Variants in BLVRB observed in about 807,000 individuals in gnomAD.
The protein encoded by BLVRB is flavin reductase (NADPH).
In BLVRB, 25 loss-of-function variants were observed where a neutral mutation model predicts 21.1. That is an observed-to-expected ratio of 1.19 (90% confidence interval 0.86 to 1.66). The LOEUF (loss-of-function observed/expected upper bound fraction) is 1.66. Ranked by LOEUF, BLVRB falls within the 40% of genes most tolerant of loss-of-function variation. The pLI is 0.00. For synonymous variants in BLVRB, 128 were observed against 122.2 expected (o/e 1.05, Z -0.31); for missense variants, 274 against 282.7 (o/e 0.97, Z 0.22).
intron 4 of BLVRB, 130 bp downstream of exon 4, chr19:40,451,232 AAT>A: frequency 1.5e-6 from 2 of 1,357,826 alleles, no homozygotes; most frequent in Non-Finnish European, 2.0e-6. Context: ...ACAAAGGCCA[AAT>A]ATATATGTCA....
At chr19:40,463,645 C>T (rs548644532) in intron 1 of BLVRB, among the ~76,000 whole-genome samples, 8 of 150,880 alleles carry the variant, frequency 5.3e-5, no homozygotes, top group Non-Finnish European at 1.2e-4. Flanking sequence ...CTGTGTCACC[C>T]AGGCTGGAGT....
chr19:40,460,247 C>CACATATATATATATATATATATATAT (rs2079780928), intron 1 of BLVRB, among the ~76,000 whole-genome samples: 1 of 121,118 alleles, frequency 8.3e-6, no homozygotes, highest in African/African-American at 3.4e-5. Flanking sequence ...GTAATAGCAA[C>CACATATATATATATATATATATATAT]ATATATATAT....
rs200198444 is a variant in BLVRB at position 40,450,842 on chromosome 19, GTATCTATC to G, written c.463+514_463+521del. 8.0e-3 allele frequency among the ~76,000 whole-genome samples: 1,153 copies of G among 144,728 alleles called. 5 individuals carry two copies. Among genetic ancestry groups the G allele is most frequent in the Middle Eastern group, 0.01 (3 of 286 alleles). 94.9% of individuals were successfully genotyped at this position (144,728 alleles called of 152,430 possible). ...GTGTGAACCACCATGCCTGGCCTAT[GTATCTATC>G]TATCTATCTATCTATCTATCTATCT... On this transcript the variant is annotated intron_variant, in intron 4 of 4. Transcript: ENST00000263368.
chr19:40,450,337 G>C (rs62106981), intron 4 of BLVRB: 79,666 of 141,910 alleles, frequency 0.56, 23,598 homozygotes, highest in African/African-American at 0.78. Context: ...AACCCCGTCT[G>C]TATTAAAAAA....
At chr19:40,458,346 A>G in intron 2 of BLVRB, 35 bp downstream of exon 2, 3 of 1,510,600 alleles carry the variant, frequency 2.0e-6, no homozygotes, top group Non-Finnish European at 2.7e-6. Flanking sequence ...GCCGAGGTGT[A>G]GGGGAGGGCC....
intron 3 of BLVRB, among the ~76,000 whole-genome samples, chr19:40,452,280 T>C (rs1445565041): frequency 6.6e-6 from 1 of 152,180 alleles, no homozygotes; most frequent in East Asian, 1.9e-4. Context: ...GCCTTGGCAA[T>C]GTCTGATTCC....
intron 3 of BLVRB, among the ~76,000 whole-genome samples, chr19:40,452,977 C>G (rs1253557257): frequency 6.6e-5 from 10 of 151,850 alleles, no homozygotes. Context: ...GCAGGAGAAT[C>G]CCTTGAACCT....
intron 3 of BLVRB, 62 bp downstream of exon 3, chr19:40,458,093 C>T: frequency 6.7e-7 from 1 of 1,492,086 alleles, no homozygotes. Context: ...CTTTCAGAGG[C>T]CCCTGGGCTG....
chr19:40,448,244 C>T lies in BLVRB; in HGVS notation c.464-198G>A, dbSNP rs996224354. Among the ~76,000 whole-genome samples the T allele has an allele frequency of 1.6e-4, 25 of 152,066 alleles. 1 individual carries two copies. Among genetic ancestry groups the T allele is most frequent in the Admixed American group, 7.2e-4 (11 of 15,242 alleles). On this transcript the variant is annotated intron_variant, in intron 4 of 4. Transcript: ENST00000263368. ...TCATTCGATAAATCCTTATTGATTA[C>T]CTATTGTGTGGCCAGGTGCTGGGCA...
At chr19:40,461,805 T>C (rs903436158) in intron 1 of BLVRB, among the ~76,000 whole-genome samples, 3 of 152,168 alleles carry the variant, frequency 2.0e-5, no homozygotes, top group African/African-American at 7.2e-5. Flanking sequence ...CGGCCCCAAC[T>C]GCTCTTCTTT....
intron 3 of BLVRB, chr19:40,457,888 T>TC (rs61170425): frequency 0.49 from 231,011 of 474,414 alleles, 61,491 homozygotes; most frequent in African/African-American, 0.81. Flanking sequence ...TCTGCCTGCC[T>TC]CCCGATCCCA....
intron 1 of BLVRB, among the ~76,000 whole-genome samples, chr19:40,460,972 CAAACAAAACA>C (rs202183119): frequency 0.059 from 8,932 of 151,520 alleles, 853 homozygotes; most frequent in African/African-American, 0.2. Flanking sequence ...AACTCCGTCT[CAAACAAAACA>C]AAACAAAACA....
chr19:40,464,057 G>A (rs964276995), intron 1 of BLVRB, among the ~76,000 whole-genome samples: 4 of 151,676 alleles, frequency 2.6e-5, no homozygotes, highest in South Asian at 4.2e-4. Flanking sequence ...GTGAGCCACC[G>A]CACCCAGCCT....
chr19:40,453,311 C>A (rs1005100642), intron 3 of BLVRB, among the ~76,000 whole-genome samples: 3 of 152,052 alleles, frequency 2.0e-5, no homozygotes, highest in African/African-American at 7.2e-5. Context: ...TTTAAAATTG[C>A]AAAATCCTGT....
chr19:40,451,321 C>A, intron 4 of BLVRB, 43 bp downstream of exon 4: 1 of 1,578,424 alleles, frequency 6.3e-7, no homozygotes, highest in Non-Finnish European at 8.6e-7. Flanking sequence ...CAGGAGGGAA[C>A]AGGCAGATGG....
chr19:40,454,210 C>A (rs907886778), intron 3 of BLVRB, among the ~76,000 whole-genome samples: 1 of 152,148 alleles, frequency 6.6e-6, no homozygotes, highest in Non-Finnish European at 1.5e-5. Flanking sequence ...CTCACTGCAA[C>A]CTCCACCTAC....
chr19:40,457,316 C>T (rs1294488865), intron 3 of BLVRB, among the ~76,000 whole-genome samples: 1 of 152,188 alleles, frequency 6.6e-6, no homozygotes, highest in Non-Finnish European at 1.5e-5. Flanking sequence ...CTTGCTTTGT[C>T]CTCTGCCTGG....
rs763328417 is a variant in BLVRB, at chr19:40,458,208, A to G, written c.281T>C (p.Ile94Thr). The part of the protein sequence containing the change: ...TTVMSEGARN[I>T]VAAMKAHGVD... ...ACCATGAGCCTTCATGGCTGCCACA[A>G]TGTTCCGGGCGCCCTCGGACATCAC... The change falls in exon 3 of 5, where the codon ATT (isoleucine) becomes ACT (threonine). Residue 94 changes from isoleucine to threonine, a missense_variant. Coordinates refer to ENST00000263368, the MANE Select transcript of BLVRB (RefSeq NM_000713.3). 2.6e-5 allele frequency: 42 copies of G among 1,607,056 alleles called. No individual in the cohort carries two copies. The highest frequency in any genetic ancestry group is 3.2e-5 in the Non-Finnish European group (38 of 1,175,794).
At position 40,457,891 on chromosome 19, in the gene BLVRB, C is replaced by T. The variant is rs571521883; in HGVS notation, c.334+264G>A. On this transcript the variant is annotated intron_variant, in intron 3 of 4. Transcript: ENST00000263368. ...GGCCCTATCCCCTCTGCCTGCCTCC[C>T]GATCCCAGCTCCGATGATCTGGATG... 6.8e-3 allele frequency: 3,272 copies of T among 480,874 alleles called. 16 individuals are homozygous for T. Among genetic ancestry groups the T allele is most frequent in the Non-Finnish European group, 0.01 (2,666 of 266,518 alleles). 29.8% of individuals were successfully genotyped at this position (480,874 alleles called of 1,614,324 possible). A position where few individuals can be genotyped will look rare whatever the true frequency, so the allele number is the denominator to read the frequency against.
Sources: allele counts gnomAD v4.1 joint callset (sites outside exome capture counted in the v4.1 genomes callset), GRCh38; gene constraint gnomAD v4.1.1; transcripts MANE v1.5; gene names NCBI Gene and HGNC (gene_info 2026-07-23, HGNC 2026-07-21).